Variants in SNX9 observed in about 807,000 individuals in gnomAD.
The protein encoded by SNX9 is sorting nexin 9.
SNX9 carries 44 observed loss-of-function variants against 89.4 expected under a neutral mutation model. That is an observed-to-expected ratio of 0.49 (90% CI 0.39 to 0.63). The LOEUF is 0.63. Among genes scored for constraint, SNX9 ranks in the 30% least tolerant of loss-of-function variants. SNX9 has a pLI of 0.00. For synonymous variants in SNX9, 236 were observed against 247.8 expected, an observed-to-expected ratio of 0.95 and a Z score of 0.45; for missense variants, 578 against 736.1, an observed-to-expected ratio of 0.79 and a Z score of 2.49.
chr6:157,824,765 G>A (rs1781309291), intron 1 of SNX9, among the ~76,000 whole-genome samples: 1 of 152,132 alleles, frequency 6.6e-6, no homozygotes, highest in African/African-American at 2.4e-5. Flanking sequence ...TGCCTGTGCT[G>A]TGCTTTGGTT....
intron 1 of SNX9, among the ~76,000 whole-genome samples, chr6:157,828,588 G>A (rs1781425902): frequency 2.0e-5 from 3 of 152,068 alleles, no homozygotes; most frequent in Admixed American, 6.6e-5. Flanking sequence ...CGACTTCCCT[G>A]GCTCAGGTGA....
intron 9 of SNX9, among the ~76,000 whole-genome samples, chr6:157,916,286 G>A (rs1399639728): frequency 3.9e-5 from 6 of 152,054 alleles, no homozygotes; most frequent in African/African-American, 1.4e-4. Context: ...CACCCGCCTC[G>A]GCCTCCCAAA....
chr6:157,912,449 G>C (rs763237817), intron 9 of SNX9, among the ~76,000 whole-genome samples: 49 of 152,306 alleles, frequency 3.2e-4, no homozygotes, highest in Admixed American at 1.1e-3. Flanking sequence ...CATGCAGCCA[G>C]GGAGGAGAAA....
At chr6:157,926,388 A>T (rs114822894) in intron 10 of SNX9, among the ~76,000 whole-genome samples, 3,956 of 152,170 alleles carry the variant, frequency 0.026, 114 homozygotes, top group African/African-American at 0.071. Flanking sequence ...TAATATTTTT[A>T]AAAAAATAGC....
At chr6:157,910,892 C>T (rs1230939670) in intron 9 of SNX9, among the ~76,000 whole-genome samples, 7 of 152,068 alleles carry the variant, frequency 4.6e-5, no homozygotes, top group East Asian at 1.9e-4. Flanking sequence ...GAGGCCGAGG[C>T]GGGCGGATCA....
intron 4 of SNX9, among the ~76,000 whole-genome samples, chr6:157,877,409 G>A (rs1782541996): frequency 1.3e-5 from 2 of 152,184 alleles, no homozygotes; most frequent in Non-Finnish European, 2.9e-5. Context: ...TGAATTTAAT[G>A]TAAATCAAGT....
At chr6:157,910,570 CATTTTCTATTT>C (rs1325504973) in intron 9 of SNX9, among the ~76,000 whole-genome samples, 2 of 151,904 alleles carry the variant, frequency 1.3e-5, no homozygotes, top group African/African-American at 4.8e-5. Context: ...TTAAAAGTGC[CATTTTCTATTT>C]ATTTTGATTA....
chr6:157,856,065 C>T (rs1239455663), intron 1 of SNX9, among the ~76,000 whole-genome samples: 1 of 152,118 alleles, frequency 6.6e-6, no homozygotes, highest in South Asian at 2.1e-4. Flanking sequence ...TGATTTTTAT[C>T]TTGTTTATGT....
chr6:157,935,926 C>A, intron 13 of SNX9, 38 bp from the exon 14 acceptor site: 2 of 1,421,694 alleles, frequency 1.4e-6, no homozygotes, highest in African/African-American at 1.5e-5. Flanking sequence ...AGAAAATATG[C>A]ATAACTTATA....
At chr6:157,852,704 G>A (rs530052100) in intron 1 of SNX9, among the ~76,000 whole-genome samples, 10 of 152,226 alleles carry the variant, frequency 6.6e-5, no homozygotes, top group Middle Eastern at 6.8e-3. Context: ...TACCTGCCAA[G>A]TAGCTAGGAC....
chr6:157,847,260 G>C (rs1292735257), intron 1 of SNX9, among the ~76,000 whole-genome samples: 1 of 152,024 alleles, frequency 6.6e-6, no homozygotes, highest in Non-Finnish European at 1.5e-5. Flanking sequence ...GCACCACACT[G>C]CTTGGCTAAT....
At chr6:157,874,087 G>A (rs1370352146) in intron 3 of SNX9, 1 of 152,198 alleles carries the variant, frequency 6.6e-6, no homozygotes, top group Non-Finnish European at 1.5e-5. Context: ...CAGGAGAAAA[G>A]AATTCCCCCC....
At chr6:157,829,802 GA>G (rs1781447850) in intron 1 of SNX9, among the ~76,000 whole-genome samples, 1 of 152,066 alleles carries the variant, frequency 6.6e-6, no homozygotes, top group South Asian at 2.1e-4. Context: ...GCCAATAGCT[GA>G]ATTTTACCTT....
chr6:157,838,280 TA>T (rs1299868110), intron 1 of SNX9, among the ~76,000 whole-genome samples: 3 of 152,118 alleles, frequency 2.0e-5, no homozygotes, highest in African/African-American at 7.2e-5. Flanking sequence ...CCCAAAGTGC[TA>T]GGGTTACAGG....
At chr6:157,868,207 T>A (rs985156290) in intron 2 of SNX9, among the ~76,000 whole-genome samples, 2 of 152,260 alleles carry the variant, frequency 1.3e-5, no homozygotes, top group African/African-American at 4.8e-5. Flanking sequence ...AATTACAAGT[T>A]ATTGCCTCAG....
At chr6:157,915,640 A>AAAAAATATATATATATAT (rs1472422303) in intron 9 of SNX9, among the ~76,000 whole-genome samples, 9 of 95,118 alleles carry the variant, frequency 9.5e-5, no homozygotes, top group Non-Finnish European at 8.5e-5. Context: ...AAAAAAAAAA[A>AAAAAATATATATATATAT]ATATATATAT....
In SNX9 at chr6:157,933,226, C is replaced by T. The variant is rs181312893; in HGVS notation, c.1366+954C>T. On this transcript the variant is annotated intron_variant, in intron 13 of 17. Transcript: ENST00000392185. The stretch of plus-strand genomic sequence containing the variant: ...GAAGGATCGCTTGAGCCCAGGAGGT[C>T]GAGGCTATAGTGTGCCATGATCACA... 2.0e-4 allele frequency among the ~76,000 whole-genome samples: 31 copies of T among 151,932 alleles called. No homozygotes were observed. The East Asian group carries it at 5.4e-3, about 27-fold the overall frequency.
intron 7 of SNX9, among the ~76,000 whole-genome samples, chr6:157,908,708 A>T (rs907605675): frequency 6.6e-6 from 1 of 152,120 alleles, no homozygotes; most frequent in Non-Finnish European, 1.5e-5. Context: ...ATTGTCACCT[A>T]GCAGTGCCTA....
chr6:157,840,479 TC>T (rs1781683587), intron 1 of SNX9, among the ~76,000 whole-genome samples: 1 of 151,908 alleles, frequency 6.6e-6, no homozygotes, highest in Non-Finnish European at 1.5e-5. Flanking sequence ...CCCTTCTCTC[TC>T]TCTCTCTCTT....
Sources: allele counts gnomAD v4.1 joint callset (sites outside exome capture counted in the v4.1 genomes callset), GRCh38; gene constraint gnomAD v4.1.1; transcripts MANE v1.5; gene names NCBI Gene and HGNC (gene_info 2026-07-23, HGNC 2026-07-21).